RANBP17: variants seen among roughly 807,000 people sequenced by gnomAD.
RANBP17 encodes the protein RAN binding protein 17, also known as ran-binding protein 17.
In RANBP17, 158 loss-of-function variants were observed where a neutral mutation model predicts 141.2. That is an observed-to-expected ratio of 1.12 (90% confidence interval 0.98 to 1.28). RANBP17 has a LOEUF of 1.28. RANBP17 is among the 50% of genes most tolerant of loss of function. The pLI is 0.00. For missense variants in RANBP17, 1,438 were observed against 1,290.7 expected (o/e 1.11, Z -1.75); for synonymous variants, 430 against 450.0 (o/e 0.96, Z 0.56).
chr5:170,936,933 A>T (rs1373714804), intron 12 of RANBP17, among the ~76,000 whole-genome samples: 1 of 152,026 alleles, frequency 6.6e-6, no homozygotes, highest in Non-Finnish European at 1.5e-5. Flanking sequence ...ATCTTATCTG[A>T]TATTACTGTA....
chr5:171,058,629 C>G (rs1309435999), intron 14 of RANBP17, among the ~76,000 whole-genome samples: 1 of 150,598 alleles, frequency 6.6e-6, no homozygotes, highest in Non-Finnish European at 1.5e-5. Context: ...CATATGTGTG[C>G]ATGTGTCTTT....
chr5:171,157,363 T>G (rs1308199390), intron 14 of RANBP17, among the ~76,000 whole-genome samples: 3 of 152,246 alleles, frequency 2.0e-5, no homozygotes, highest in Non-Finnish European at 2.9e-5. Flanking sequence ...TTATGTCAGT[T>G]GACTCATTCA....
intron 12 of RANBP17, among the ~76,000 whole-genome samples, chr5:170,945,022 C>T (rs760573452): frequency 3.3e-5 from 5 of 152,198 alleles, no homozygotes; most frequent in Non-Finnish European, 5.9e-5. Flanking sequence ...TCTCTCTCTC[C>T]CCTGCCCCAG....
In RANBP17 at chr5:170,916,502, G is replaced by C. The variant is rs1226382085; in HGVS notation, c.872G>C (p.Arg291Thr). The C allele has an allele frequency of 7.6e-6, 12 of 1,573,118 alleles. No homozygotes were observed. In the East Asian group the frequency reaches 9.1e-5, roughly 12 times the overall value. The change falls in exon 9 of 28, where the codon AGG becomes ACG. Residue 291 changes from arginine to threonine, a missense_variant. Arg to Thr is a moderately conservative substitution (Grantham distance 71). Coordinates refer to ENST00000523189, the MANE Select transcript of RANBP17 (RefSeq NM_022897.5). ...TTAGTTCAGTTTGCTTCGACAAGAA[G>C]GTCCTTATTTAACAGTCCTGAACGT... Reference protein sequence around the residue: ...SCLVQFASTRRSLFNSPERAK... With the variant: ...SCLVQFASTRTSLFNSPERAK...
intron 18 of RANBP17, among the ~76,000 whole-genome samples, chr5:171,187,602 G>A (rs1027395787): frequency 1.3e-5 from 2 of 152,130 alleles, no homozygotes; most frequent in African/African-American, 4.8e-5. Context: ...GTTGTAGCAT[G>A]TAGGTAATTT....
intron 24 of RANBP17, among the ~76,000 whole-genome samples, chr5:171,264,308 G>A (rs1348031364): frequency 6.6e-6 from 1 of 152,068 alleles, no homozygotes; most frequent in Non-Finnish European, 1.5e-5. Context: ...CACTGCTTGG[G>A]TGATGGGTGC....
At chr5:170,976,068 C>A (rs4041531) in intron 14 of RANBP17, among the ~76,000 whole-genome samples, 101,729 of 151,688 alleles carry the variant, frequency 0.67, 34,381 homozygotes, top group South Asian at 0.89. Context: ...TACATCTCTA[C>A]TTGCAGATGA....
At chr5:170,997,853 G>C (rs1778922178) in intron 14 of RANBP17, among the ~76,000 whole-genome samples, 1 of 151,964 alleles carries the variant, frequency 6.6e-6, no homozygotes. Flanking sequence ...GAACCAAAAT[G>C]TTCATTTTCT....
In RANBP17 at chr5:170,892,568, C is replaced by T. The variant is rs1203899341; in HGVS notation, c.423+15C>T. ...AGTTTCTCCAGGTAAGAAGTCATTG[C>T]TACATGGTTAGAACATCACTACTTG... On this transcript the variant is annotated intron_variant, in intron 4 of 27. Coordinates refer to ENST00000523189, the MANE Select transcript of RANBP17 (RefSeq NM_022897.5). 1.2e-6 allele frequency: 2 copies of T among 1,607,744 alleles called. No homozygotes were observed. Among genetic ancestry groups the T allele is most frequent in the East Asian group, 2.2e-5 (1 of 44,750 alleles).
intron 25 of RANBP17, among the ~76,000 whole-genome samples, chr5:171,278,129 A>G (rs1767648483): frequency 6.6e-6 from 1 of 151,612 alleles, no homozygotes; most frequent in Non-Finnish European, 1.5e-5. Flanking sequence ...AGCTGAAGCT[A>G]TTTAGGATTT....
At chr5:171,091,407 A>G (rs970407475) in intron 14 of RANBP17, among the ~76,000 whole-genome samples, 14 of 152,216 alleles carry the variant, frequency 9.2e-5, no homozygotes, top group African/African-American at 3.1e-4. Flanking sequence ...GGAAATAACT[A>G]ACTTGCTTTT....
intron 25 of RANBP17, among the ~76,000 whole-genome samples, chr5:171,280,330 T>C (rs1416605311): frequency 3.9e-5 from 6 of 152,070 alleles, no homozygotes; most frequent in Admixed American, 2.0e-4. Context: ...CAGGCTGGAG[T>C]GCAGTGGCAC....
chr5:171,044,273 G>A (rs1782432200), intron 14 of RANBP17, among the ~76,000 whole-genome samples: 1 of 151,812 alleles, frequency 6.6e-6, no homozygotes, highest in Admixed American at 6.6e-5. Context: ...TTAACAGATT[G>A]TATTGTTTAT....
At chr5:171,091,091 A>G (rs891227703) in intron 14 of RANBP17, among the ~76,000 whole-genome samples, 3 of 152,156 alleles carry the variant, frequency 2.0e-5, no homozygotes. Context: ...AACCACCAAC[A>G]GCTTGCACTG....
At position 170,953,657 on chromosome 5, in the gene RANBP17, C is replaced by T; in HGVS notation, c.1529C>T (p.Thr510Ile). The T allele has an allele frequency of 6.2e-7, 1 of 1,611,242 alleles. No homozygotes were observed. Among genetic ancestry groups the T allele is most frequent in the Non-Finnish European group, 8.5e-7 (1 of 1,177,706 alleles). Residue 510 changes from threonine to isoleucine, a missense_variant, in exon 13 of 28, where the codon ACC becomes ATC. Coordinates refer to ENST00000523189, the MANE Select transcript of RANBP17 (RefSeq NM_022897.5). ...GTTGTAGGAGGAAGATTAACATATA[C>T]CAGTACAGATGAGCATGATGCTATG... ...GTVVGGRLTY[T>I]STDEHDAMDG...
At chr5:170,930,907 A>G (rs1773317410) in intron 12 of RANBP17, among the ~76,000 whole-genome samples, 1 of 152,172 alleles carries the variant, frequency 6.6e-6, no homozygotes, top group Non-Finnish European at 1.5e-5. Context: ...GTGATTTATA[A>G]TCATTTGGGT....
At chr5:171,155,020 G>A (rs1220119030) in intron 14 of RANBP17, among the ~76,000 whole-genome samples, 2 of 146,362 alleles carry the variant, frequency 1.4e-5, no homozygotes, top group Non-Finnish European at 3.0e-5. Flanking sequence ...AGAGGTTGCA[G>A]TGAGCTGAAA....
intron 14 of RANBP17, among the ~76,000 whole-genome samples, chr5:170,985,838 TGTG>T (rs1311470184): frequency 1.3e-5 from 2 of 152,170 alleles, no homozygotes; most frequent in Admixed American, 1.3e-4. Context: ...CAGTATGTGT[TGTG>T]GTAGCTGCTT....
At position 171,113,667 on chromosome 5, in the gene RANBP17, A is replaced by G. The variant is rs534853144; in HGVS notation, c.1711-56463A>G. 9.9e-4 allele frequency among the ~76,000 whole-genome samples: 151 copies of G among 152,288 alleles called. 2 individuals carry two copies. In the South Asian group the frequency reaches 0.014, roughly 14 times the overall value. ...CTGAAGTTCACATAGCTAATAAAAAAAGGAGCTAGGATTCAGACCTAGGCA... is the reference window on the plus strand; with the variant it reads ...CTGAAGTTCACATAGCTAATAAAAAGAGGAGCTAGGATTCAGACCTAGGCA... On this transcript the variant is annotated intron_variant, in intron 14 of 27. Transcript: ENST00000523189.
Sources: gnomAD v4.1 joint callset for allele counts (sites outside exome capture counted in the v4.1 genomes callset) on GRCh38, gnomAD v4.1.1 for gene constraint, MANE v1.5 for transcripts, NCBI Gene and HGNC (gene_info 2026-07-23, HGNC 2026-07-21) for gene names.